The following SKAP2 variants were observed in gnomAD, a reference collection of about 807,000 sequenced individuals.
SKAP2 encodes the protein src kinase associated phosphoprotein 2.
In SKAP2, 28 loss-of-function variants were observed where a neutral mutation model predicts 54.9. The observed-to-expected ratio is 0.51, with a 90% CI of 0.38 to 0.70. The LOEUF (loss-of-function observed/expected upper bound fraction) is 0.70, where lower values mean the gene tolerates loss of function less well. Among genes scored for constraint, SKAP2 ranks in the 30% least tolerant of loss-of-function variants. The pLI is 0.00. For synonymous variants in SKAP2, 137 were observed against 134.3 expected, an observed-to-expected ratio of 1.02 and a Z score of -0.14; for missense variants, 356 against 424.1, an observed-to-expected ratio of 0.84 and a Z score of 1.41.
chr7:26,834,156 G>A (rs1784658601), intron 4 of SKAP2, among the ~76,000 whole-genome samples: 1 of 152,140 alleles, frequency 6.6e-6, no homozygotes, highest in Admixed American at 6.6e-5. Context: ...TGAGAACAAA[G>A]ACACAATGTA....
the SKAP2 span, among the ~76,000 whole-genome samples, chr7:26,656,851 A>G: frequency 6.6e-6 from 1 of 152,164 alleles, no homozygotes; most frequent in Non-Finnish European, 1.5e-5. Context: ...GCAAAAAAAA[A>G]AGACCTTCTA....
At chr7:26,842,926 G>A (rs551649253) in intron 4 of SKAP2, among the ~76,000 whole-genome samples, 4 of 151,806 alleles carry the variant, frequency 2.6e-5, no homozygotes, top group Admixed American at 6.6e-5. Flanking sequence ...AATGTTTGCC[G>A]AAGCATAAAA....
chr7:26,849,665 C>T (rs1470508780), intron 3 of SKAP2, among the ~76,000 whole-genome samples: 3 of 134,828 alleles, frequency 2.2e-5, no homozygotes, highest in South Asian at 2.3e-4. Context: ...AGCCTGGGTG[C>T]GACAGAGTGA....
At chr7:26,666,364 T>C (rs1361856244), downstream of SKAP2, among the ~76,000 whole-genome samples, 1 of 152,132 alleles carries the variant, frequency 6.6e-6, no homozygotes, top group Non-Finnish European at 1.5e-5. Flanking sequence ...TCAGTTCTAT[T>C]TTAAATTATG....
At chr7:26,681,192 C>A (rs1459880812) in intron 11 of SKAP2, among the ~76,000 whole-genome samples, 1 of 152,190 alleles carries the variant, frequency 6.6e-6, no homozygotes, top group African/African-American at 2.4e-5. Context: ...GCTCATGCCT[C>A]TAATCCCAGC....
chr7:26,767,443 G>GT (rs1034934175), intron 4 of SKAP2, among the ~76,000 whole-genome samples: 5 of 152,070 alleles, frequency 3.3e-5, no homozygotes, highest in Admixed American at 1.3e-4. Context: ...TTTTTGAAGG[G>GT]TTTTTTGTGT....
At chr7:26,711,377 C>A (rs1369270956) in intron 9 of SKAP2, among the ~76,000 whole-genome samples, 1 of 152,050 alleles carries the variant, frequency 6.6e-6, no homozygotes, top group Admixed American at 6.6e-5. Flanking sequence ...TCTGAGTACC[C>A]ACCCTATACC....
chr7:26,857,282 AT>A (rs1254505831), intron 1 of SKAP2, among the ~76,000 whole-genome samples: 2 of 125,110 alleles, frequency 1.6e-5, no homozygotes, highest in African/African-American at 6.0e-5. Flanking sequence ...CTCAAAGGTG[AT>A]GTGGAGAGAG....
At chr7:26,705,332 A>G (rs1328491488) in intron 9 of SKAP2, among the ~76,000 whole-genome samples, 1 of 152,210 alleles carries the variant, frequency 6.6e-6, no homozygotes, top group East Asian at 1.9e-4. Flanking sequence ...ATGCAATCAA[A>G]CATGTAAATT....
chr7:26,854,836 G>T lies in SKAP2; in HGVS notation c.122C>A (p.Ala41Glu). The T allele has an allele frequency of 6.2e-7, 1 of 1,601,034 alleles. No individual in the cohort carries two copies. The highest frequency in any genetic ancestry group is 8.5e-7 in the Non-Finnish European group (1 of 1,171,696). ...ILKGENLSKK[A>E]KEKRESLIKK... is the part of the protein sequence containing the mutation. The stretch of plus-strand genomic sequence containing the variant: ...AATAAGGGATTCTCTCTTTTCCTTT[G>T]CTTTCTTGGATAAATTTTCTCCTTT... Residue 41 changes from alanine to glutamate, a missense_variant, in exon 2 of 13, where the codon GCA becomes GAA. Coordinates refer to ENST00000345317, the MANE Select transcript of SKAP2 (RefSeq NM_003930.5).
chr7:26,672,799 G>A (rs1786271234), intron 11 of SKAP2, among the ~76,000 whole-genome samples: 1 of 151,914 alleles, frequency 6.6e-6, no homozygotes, highest in Admixed American at 6.6e-5. Context: ...AGCCTCCTGA[G>A]CAACATGAAT....
chr7:26,808,942 A>T (rs1584402408), intron 4 of SKAP2, among the ~76,000 whole-genome samples: 1 of 152,352 alleles, frequency 6.6e-6, no homozygotes, highest in East Asian at 1.9e-4. Flanking sequence ...AAAAGTTGGT[A>T]AATGGGGTTA....
At chr7:26,749,297 T>C (rs543230274) in intron 4 of SKAP2, among the ~76,000 whole-genome samples, 2 of 152,336 alleles carry the variant, frequency 1.3e-5, no homozygotes, top group South Asian at 2.1e-4. Flanking sequence ...TTAACTCATA[T>C]ATTAAACAAT....
At chr7:26,831,520 T>G (rs1400362489) in intron 4 of SKAP2, among the ~76,000 whole-genome samples, 1 of 152,162 alleles carries the variant, frequency 6.6e-6, no homozygotes, top group Admixed American at 6.5e-5. Context: ...AAAGGAAAAT[T>G]TATTTAAGAT....
chr7:26,683,330 A>G (rs1279235680), intron 11 of SKAP2, among the ~76,000 whole-genome samples: 1 of 152,216 alleles, frequency 6.6e-6, no homozygotes, highest in Admixed American at 6.5e-5. Flanking sequence ...TGATGTGACT[A>G]TCTATAGCGT....
chr7:26,662,106 G>A (rs1402475352), downstream of SKAP2, among the ~76,000 whole-genome samples: 2 of 152,038 alleles, frequency 1.3e-5, no homozygotes, highest in Non-Finnish European at 2.9e-5. Context: ...TCCAACTGAA[G>A]GAAAAGAGTC....
At chr7:26,686,243 A>C (rs1227057301) in intron 10 of SKAP2, among the ~76,000 whole-genome samples, 1 of 152,220 alleles carries the variant, frequency 6.6e-6, no homozygotes, top group Non-Finnish European at 1.5e-5. Flanking sequence ...TAAGAAAATA[A>C]AGATGGACTA....
At chr7:26,795,818 G>A (rs1227230109) in intron 4 of SKAP2, among the ~76,000 whole-genome samples, 1 of 152,160 alleles carries the variant, frequency 6.6e-6, no homozygotes, top group Non-Finnish European at 1.5e-5. Context: ...CATCATTAGT[G>A]GTTGTTAGGG....
At chr7:26,724,509 G>T (rs1192450892) in intron 9 of SKAP2, among the ~76,000 whole-genome samples, 2 of 152,030 alleles carry the variant, frequency 1.3e-5, no homozygotes, top group Admixed American at 1.3e-4. Flanking sequence ...CATTAATTTG[G>T]AACATTTTAA....
Sources: allele counts gnomAD v4.1 joint callset (sites outside exome capture counted in the v4.1 genomes callset), GRCh38; gene constraint gnomAD v4.1.1; transcripts MANE v1.5; gene names NCBI Gene and HGNC (gene_info 2026-07-23, HGNC 2026-07-21).